CALN1: variants seen among roughly 807,000 people sequenced by gnomAD.
CALN1 encodes the protein calneuron 1, also known as calcium-binding protein 8.
CALN1 carries 17 observed loss-of-function variants against 30.6 expected under a neutral mutation model. The ratio of observed to expected loss-of-function variants is 0.56; its 90% CI spans 0.38 to 0.83. CALN1 has a LOEUF of 0.83. Among genes scored for constraint, CALN1 ranks in the 40% least tolerant of loss-of-function variants. The probability of loss-of-function intolerance (pLI) is 0.00; values close to 1 mark genes in which losing one functional copy is unlikely to be tolerated. For missense variants in CALN1, 291 were observed against 354.9 expected, an observed-to-expected ratio of 0.82 and a Z score of 1.45; for synonymous variants, 156 against 131.4, an observed-to-expected ratio of 1.19 and a Z score of -1.28.
At chr7:72,334,889 T>G (rs929579550) in intron 2 of CALN1, among the ~76,000 whole-genome samples, 1 of 152,148 alleles carries the variant, frequency 6.6e-6, no homozygotes, top group Non-Finnish European at 1.5e-5. Context: ...ACGTCTGCAG[T>G]GAACTCAACA....
At chr7:72,257,736 T>C (rs35198953) in intron 3 of CALN1, among the ~76,000 whole-genome samples, 52,704 of 151,758 alleles carry the variant, frequency 0.35, 10,232 homozygotes, top group Middle Eastern at 0.53. Context: ...AACGAGTGGA[T>C]AAAGAAAATG....
intron 3 of CALN1, among the ~76,000 whole-genome samples, chr7:72,204,013 A>G (rs1250581403): frequency 4.9e-5 from 3 of 61,810 alleles, no homozygotes; most frequent in Non-Finnish European, 7.3e-5. Context: ...TTTTTTTGAG[A>G]CAGAGTCTCA....
chr7:72,163,258 C>T (rs1258690790), intron 3 of CALN1, among the ~76,000 whole-genome samples: 1 of 152,004 alleles, frequency 6.6e-6, no homozygotes, highest in East Asian at 1.9e-4. Context: ...GAACAAATTT[C>T]TATAAAGTCA....
intron 3 of CALN1, among the ~76,000 whole-genome samples, chr7:72,166,315 C>G (rs1490931942): frequency 6.6e-6 from 1 of 152,152 alleles, no homozygotes; most frequent in Non-Finnish European, 1.5e-5. Flanking sequence ...AATCCTCCTA[C>G]TTCAGCCTCT....
chr7:72,165,997 C>G (rs1166820104), intron 3 of CALN1, among the ~76,000 whole-genome samples: 3 of 152,114 alleles, frequency 2.0e-5, no homozygotes, highest in Non-Finnish European at 4.4e-5. Context: ...GCTGACCCAG[C>G]AATTTTCCGA....
chr7:71,896,359 ACTT>A (rs1213795018), intron 5 of CALN1, among the ~76,000 whole-genome samples: 7 of 152,050 alleles, frequency 4.6e-5, no homozygotes, highest in Non-Finnish European at 1.0e-4. Flanking sequence ...TCTCTAGAGA[ACTT>A]CTTTCTTTCT....
chr7:72,414,325 AG>A (rs1807354800), upstream of CALN1, among the ~76,000 whole-genome samples: 1 of 152,184 alleles, frequency 6.6e-6, no homozygotes, highest in South Asian at 2.1e-4. Flanking sequence ...GACCTACAAA[AG>A]AAACTGACCT....
chr7:71,913,846 C>G (rs1794553299), intron 5 of CALN1: 1 of 152,226 alleles, frequency 6.6e-6, no homozygotes, highest in Non-Finnish European at 1.5e-5. Flanking sequence ...CACAGTGGTA[C>G]ATCTGCAGAT....
intron 4 of CALN1, among the ~76,000 whole-genome samples, chr7:72,091,633 T>G (rs1228055279): frequency 6.6e-6 from 1 of 152,216 alleles, no homozygotes; most frequent in Non-Finnish European, 1.5e-5. Context: ...ATTGCTGGTC[T>G]GTATAGGTAG....
At chr7:72,278,010 G>GGGA (rs1554348530) in intron 3 of CALN1, among the ~76,000 whole-genome samples, 9 of 90,432 alleles carry the variant, frequency 1.0e-4, no homozygotes, top group Non-Finnish European at 1.8e-4. Flanking sequence ...CTCTATTCCG[G>GGGA]GGGGGGGGGA....
chr7:71,850,200 A>G (rs184551464), intron 5 of CALN1, among the ~76,000 whole-genome samples: 1 of 152,210 alleles, frequency 6.6e-6, no homozygotes, highest in East Asian at 1.9e-4. Context: ...TGCGTAATAT[A>G]CTGACATACT....
chr7:72,227,309 G>A (rs778008452), intron 3 of CALN1, among the ~76,000 whole-genome samples: 1 of 151,716 alleles, frequency 6.6e-6, no homozygotes, highest in Non-Finnish European at 1.5e-5. Context: ...AGAGGCCAAG[G>A]TAAGCAGATA....
At chr7:72,091,994 G>GA (rs1280292904) in intron 4 of CALN1, among the ~76,000 whole-genome samples, 1 of 152,146 alleles carries the variant, frequency 6.6e-6, no homozygotes, top group Non-Finnish European at 1.5e-5. Flanking sequence ...CATTTTTCCA[G>GA]AAAAATTTCC....
chr7:72,442,758 A>G (rs1011026974), intron 1 of CALN1, among the ~76,000 whole-genome samples: 1 of 152,178 alleles, frequency 6.6e-6, no homozygotes, highest in Non-Finnish European at 1.5e-5. Flanking sequence ...CACTTTATGT[A>G]GGGTTGCACT....
chr7:72,074,561 C>T (rs563885084), intron 4 of CALN1, among the ~76,000 whole-genome samples: 3 of 152,298 alleles, frequency 2.0e-5, no homozygotes, highest in Admixed American at 1.3e-4. Context: ...GCACCCACCA[C>T]CACTCCAGAC....
chr7:72,338,635 A>AC (rs1802238330), intron 2 of CALN1, among the ~76,000 whole-genome samples: 1 of 151,554 alleles, frequency 6.6e-6, no homozygotes, highest in African/African-American at 2.4e-5. Flanking sequence ...TATAGACCCT[A>AC]CTTCCCTAGT....
chr7:72,433,066 G>A (rs1166663291), intron 1 of CALN1, among the ~76,000 whole-genome samples: 5 of 152,088 alleles, frequency 3.3e-5, no homozygotes, highest in African/African-American at 1.2e-4. Context: ...GAAGATTCAG[G>A]GTGTTGGACA....
At chr7:72,076,600 A>G (rs1265765665) in intron 4 of CALN1, among the ~76,000 whole-genome samples, 7 of 119,344 alleles carry the variant, frequency 5.9e-5, no homozygotes, top group South Asian at 6.4e-4. Context: ...CTCCGTCTAG[A>G]AAAAAAAAAG....
intron 4 of CALN1, among the ~76,000 whole-genome samples, chr7:72,063,264 T>A (rs1018597507): frequency 1.3e-5 from 2 of 152,208 alleles, no homozygotes; most frequent in Non-Finnish European, 2.9e-5. Context: ...AAATTTTAAA[T>A]CTAAAAATGT....
Sources: allele counts gnomAD v4.1 joint callset (sites outside exome capture counted in the v4.1 genomes callset), GRCh38; gene constraint gnomAD v4.1.1; transcripts MANE v1.5; gene names NCBI Gene and HGNC (gene_info 2026-07-23, HGNC 2026-07-21).